CNBD2: variants seen among roughly 807,000 people sequenced by gnomAD.
The protein encoded by CNBD2 is cyclic nucleotide binding domain containing 2.
CNBD2 carries 64 observed loss-of-function variants against 63.7 expected under a neutral mutation model. That is an observed-to-expected ratio of 1.00 (90% CI 0.82 to 1.24). CNBD2 has a LOEUF of 1.24. Ranked by LOEUF, CNBD2 falls within the 50% of genes most tolerant of loss-of-function variation. The probability of loss-of-function intolerance (pLI) is 0.00; values close to 1 mark genes in which losing one functional copy is unlikely to be tolerated. For missense variants in CNBD2, 691 were observed against 713.5 expected (o/e 0.97, Z 0.36); for synonymous variants, 229 against 255.4 (o/e 0.90, Z 0.99).
At chr20:35,954,759 C>A in exon 1 of CNBD2, 1 of 580,688 alleles carries the variant, frequency 1.7e-6, no homozygotes, top group South Asian at 1.9e-5. Context: ...TGCAGGTGAC[C>A]TTTGCGTGCG....
chr20:35,963,191 A>G lies in CNBD2; in HGVS notation c.228+5417A>G, dbSNP rs138260419. On this transcript the variant is annotated intron_variant, in intron 2 of 4. Transcript: ENST00000622112. Reference sequence around the variant, plus strand: ...AGACCAGATCTCTACAAATTAAAAAATTAGTCAGTCATGGTGGTGCACACC... The same window carrying G: ...AGACCAGATCTCTACAAATTAAAAAGTTAGTCAGTCATGGTGGTGCACACC... Among the ~76,000 whole-genome samples the G allele has an allele frequency of 4.1e-3, 629 of 152,030 alleles. 5 individuals carry two copies. The highest frequency in any genetic ancestry group is 0.015 in the African/African-American group (604 of 41,442).
intron 9 of CNBD2, among the ~76,000 whole-genome samples, chr20:36,008,839 G>A (rs2057018748): frequency 6.6e-6 from 1 of 151,986 alleles, no homozygotes; most frequent in Non-Finnish European, 1.5e-5. Context: ...ATCTAAGGAA[G>A]GCAGTTACAG....
chr20:35,963,553 A>G (rs975958163), intron 2 of CNBD2, among the ~76,000 whole-genome samples: 2 of 151,952 alleles, frequency 1.3e-5, no homozygotes, highest in African/African-American at 2.4e-5. Context: ...ACGCAGGAGA[A>G]TCGCTTGAAC....
rs536319625 is a variant in CNBD2, at chr20:36,006,969, C to T, written c.971-1328C>T. On this transcript the variant is annotated intron_variant, in intron 8 of 11. Coordinates refer to ENST00000373973, the MANE Select transcript of CNBD2 (RefSeq NM_001365709.1). ...CTCTGGGAGGCCGAGGCAGGTGGCTCATGAGGTCAGGAGATTGAGACAATC... is the reference window on the plus strand; with the variant it reads ...CTCTGGGAGGCCGAGGCAGGTGGCTTATGAGGTCAGGAGATTGAGACAATC... Among the ~76,000 whole-genome samples the T allele has an allele frequency of 2.0e-5, 3 of 152,224 alleles. No individual in the cohort carries two copies. In the South Asian group the frequency reaches 6.2e-4, roughly 32 times the overall value.
intron 4 of CNBD2, among the ~76,000 whole-genome samples, chr20:35,981,108 G>T (rs747289186): frequency 7.2e-5 from 11 of 152,208 alleles, no homozygotes; most frequent in Non-Finnish European, 1.5e-4. Context: ...ATCAGGGTGT[G>T]ATTGGTGGAA....
In CNBD2 at chr20:36,003,177, A is replaced by G. The variant is rs1476151036; in HGVS notation, c.971-5120A>G. On this transcript the variant is annotated intron_variant, in intron 8 of 11. Coordinates refer to ENST00000373973, the MANE Select transcript of CNBD2 (RefSeq NM_001365709.1). ...TCCACAACTCTACTTAATATACACA[A>G]TATTTTTTCCTTGGAATATAATTAT... Among the ~76,000 whole-genome samples, 6 of 152,132 alleles carry G rather than the reference A, an allele frequency of 3.9e-5. No homozygotes were observed. The East Asian group carries it at 1.2e-3, about 29-fold the overall frequency.
chr20:35,987,306 A>G, intron 6 of CNBD2, 89 bp from the exon 7 acceptor site: 1 of 1,451,490 alleles, frequency 6.9e-7, no homozygotes, highest in Middle Eastern at 2.4e-4. Flanking sequence ...CATCCTCCAC[A>G]GGAGAAGAGT....
Position 35,980,596 on chromosome 20 carries a change from C to A in CNBD2, c.381C>A (p.Leu127=). The part of the protein sequence containing the change: ...YRNYAEPLQL[L]LAKVMRFERF... Reference sequence around the variant, plus strand: ...ACTACGCAGAGCCCCTGCAGCTGCTCCTGGCCAAAGTCATGCGCTTTGAAC... The same window carrying A: ...ACTACGCAGAGCCCCTGCAGCTGCTACTGGCCAAAGTCATGCGCTTTGAAC... Residue 127 remains leucine, a synonymous_variant, in exon 4 of 12, where the codon CTC becomes CTA. Coordinates refer to ENST00000373973, the MANE Select transcript of CNBD2 (RefSeq NM_001365709.1). The A allele has an allele frequency of 6.2e-7, 1 of 1,613,736 alleles. No homozygotes were observed. Among genetic ancestry groups the A allele is most frequent in the Non-Finnish European group, 8.5e-7 (1 of 1,180,044 alleles).
rs2057054457 is a variant in CNBD2 at position 36,011,175 on chromosome 20, A to G, written c.1187A>G (p.Asn396Ser). 4 of 1,598,434 alleles carry G rather than the reference A, an allele frequency of 2.5e-6. No individual in the cohort carries two copies. The highest frequency in any genetic ancestry group is 3.4e-6 in the Non-Finnish European group (4 of 1,171,786). ...PAQSIKCAMI[N>S]IKPGELPKEA... is the part of the protein sequence containing the mutation. Reference sequence around the variant, plus strand: ...CAGTCGATCAAATGTGCCATGATCAATATCAAGCCTGGTGAGCTCCCCAAG... The same window carrying G: ...CAGTCGATCAAATGTGCCATGATCAGTATCAAGCCTGGTGAGCTCCCCAAG... Residue 396 changes from asparagine (N) to serine (S), a missense_variant, in exon 10 of 12, where the codon AAT becomes AGT. Asn to Ser is a conservative substitution (Grantham distance 46). Coordinates refer to ENST00000373973, the MANE Select transcript of CNBD2 (RefSeq NM_001365709.1).
At chr20:35,954,475 C>G, upstream of CNBD2, 1 of 1,547,072 alleles carries the variant, frequency 6.5e-7, no homozygotes, top group Non-Finnish European at 8.7e-7. Context: ...CTGCGGCAGC[C>G]GGAAGCGAAA....
At position 35,995,141 on chromosome 20, in the gene CNBD2, C is replaced by T. The variant is rs762185436; in HGVS notation, c.959C>T (p.Thr320Ile). The T allele has an allele frequency of 1.4e-5, 23 of 1,612,878 alleles. No individual in the cohort carries two copies. The highest frequency in any genetic ancestry group is 1.6e-5 in the Non-Finnish European group (19 of 1,179,116). The change falls in exon 8 of 12, where the codon ACC becomes ATC. Residue 320 changes from threonine to isoleucine, a missense_variant. Thr to Ile is a moderately conservative substitution (Grantham distance 89). Coordinates refer to ENST00000373973, the MANE Select transcript of CNBD2 (RefSeq NM_001365709.1). ...LELIDGRPLKTHLSEYSPMER... is the reference protein window; with the variant it reads ...LELIDGRPLKIHLSEYSPMER... ...CTGATAGATGGCAGACCTCTGAAGACCCACCTGAGTGGTAAGCTGCCTTGG... is the reference window on the plus strand; with the variant it reads ...CTGATAGATGGCAGACCTCTGAAGATCCACCTGAGTGGTAAGCTGCCTTGG...
intron 7 of CNBD2, among the ~76,000 whole-genome samples, chr20:35,988,939 A>T (rs1194407309): frequency 1.3e-5 from 2 of 152,158 alleles, no homozygotes; most frequent in Non-Finnish European, 2.9e-5. Flanking sequence ...CCTACATTTT[A>T]TCTTTTGCAA....
Position 36,030,661 on chromosome 20 carries a change from G to A in CNBD2, c.*13G>A, listed in dbSNP as rs1274187047. On this transcript the variant is annotated 3_prime_UTR_variant, in exon 12 of 12. Transcript: ENST00000373973. ...ACTCTTGGCTTAGTGTAAGAGCACA[G>A]GGGTCCTTATTTAGGACAAATAAAG... 4 of 1,613,294 alleles carry A rather than the reference G, an allele frequency of 2.5e-6. No individual in the cohort carries two copies. The highest frequency in any genetic ancestry group is 3.3e-5 in the Admixed American group (2 of 59,914).
At chr20:35,979,542 G>A (rs868409802) in intron 3 of CNBD2, among the ~76,000 whole-genome samples, 2 of 152,234 alleles carry the variant, frequency 1.3e-5, no homozygotes, top group African/African-American at 4.8e-5. Flanking sequence ...ATAGGCATGA[G>A]CCACTGTGCC....
intron 9 of CNBD2, among the ~76,000 whole-genome samples, chr20:36,010,015 A>G (rs2057037647): frequency 2.0e-5 from 3 of 152,152 alleles, no homozygotes; most frequent in African/African-American, 4.8e-5. Flanking sequence ...CAGGATTCAA[A>G]CCTGAGCAGC....
chr20:35,968,832 C>T lies in CNBD2; in HGVS notation c.51+19C>T, dbSNP rs373742482. On this transcript the variant is annotated intron_variant, in intron 1 of 11. Transcript: ENST00000373973. ...GGAACTGGTGAGGAGGGGCAAGGGC[C>T]CTGGGAGGGAAGAGCAGAAGACTGA... 1.7e-5 allele frequency: 27 copies of T among 1,596,064 alleles called. No individual in the cohort carries two copies. In the African/African-American group the frequency reaches 2.8e-4, roughly 17 times the overall value.
intron 10 of CNBD2, among the ~76,000 whole-genome samples, chr20:36,015,723 GAT>G (rs1281933197): frequency 6.6e-6 from 1 of 152,146 alleles, no homozygotes; most frequent in Admixed American, 6.5e-5. Context: ...AGCAGTGTTG[GAT>G]TATAACCAAA....
intron 10 of CNBD2, among the ~76,000 whole-genome samples, chr20:36,011,747 A>G (rs915595580): frequency 6.6e-6 from 1 of 152,338 alleles, no homozygotes; most frequent in Non-Finnish European, 1.5e-5. Context: ...ATAATTCCAA[A>G]CAATTTTTTT....
In CNBD2 at chr20:35,989,866, G is replaced by GGAGAGAGA. The variant is rs35862163; in HGVS notation, c.855+2350_855+2357dup. On this transcript the variant is annotated intron_variant, in intron 7 of 11. Transcript: ENST00000373973. ...TAAGAAAGAAAGACAGATGAGAGAG[G>GGAGAGAGA]GAGAGAGAGAGAGAGAGAGAGAGAA... Among the ~76,000 whole-genome samples, 253 of 121,722 alleles carry GGAGAGAGA rather than the reference G, an allele frequency of 2.1e-3. 3 individuals carry two copies. The highest frequency in any genetic ancestry group is 5.4e-3 in the African/African-American group (163 of 30,166). 79.9% of individuals were successfully genotyped at this position (121,722 alleles called of 152,430 possible). A position where few individuals can be genotyped will look rare whatever the true frequency, so the allele number is the denominator to read the frequency against.
Sources: allele counts gnomAD v4.1 joint callset (sites outside exome capture counted in the v4.1 genomes callset), GRCh38; gene constraint gnomAD v4.1.1; transcripts MANE v1.5; gene names NCBI Gene and HGNC (gene_info 2026-07-23, HGNC 2026-07-21).